Variants in LUZP2 observed in about 807,000 individuals in gnomAD.
LUZP2 encodes leucine zipper protein 2.
LUZP2 carries 52 observed loss-of-function variants against 51.6 expected under a neutral mutation model. The observed-to-expected ratio is 1.01, with a 90% CI of 0.81 to 1.27. The LOEUF is 1.27. Among genes scored for constraint, LUZP2 ranks in the 50% most tolerant of loss-of-function variants. The probability of loss-of-function intolerance (pLI) is 0.00; values close to 1 mark genes in which losing one functional copy is unlikely to be tolerated. For synonymous variants in LUZP2, 154 were observed against 137.3 expected (o/e 1.12, Z -0.85); for missense variants, 436 against 395.4 (o/e 1.10, Z -0.87).
chr11:24,980,421 T>C (rs1855995178), intron 8 of LUZP2, among the ~76,000 whole-genome samples: 1 of 151,692 alleles, frequency 6.6e-6, no homozygotes, highest in African/African-American at 2.4e-5. Context: ...TATTTTTTAA[T>C]ATATGAAATA....
intron 1 of LUZP2, among the ~76,000 whole-genome samples, chr11:24,560,606 C>T (rs955129276): frequency 6.6e-6 from 1 of 152,126 alleles, no homozygotes; most frequent in Non-Finnish European, 1.5e-5. Context: ...ATACAGAGTT[C>T]TTTGCCCCAT....
intron 7 of LUZP2, among the ~76,000 whole-genome samples, chr11:24,944,067 C>T (rs561362496): frequency 3.0e-4 from 46 of 152,140 alleles, no homozygotes; most frequent in Admixed American, 2.2e-3. Context: ...CACATGATCA[C>T]CTTTAATACA....
chr11:24,946,938 TTTGATGCAG>T (rs373980859), intron 7 of LUZP2, among the ~76,000 whole-genome samples: 1 of 152,096 alleles, frequency 6.6e-6, no homozygotes, highest in East Asian at 1.9e-4. Flanking sequence ...TCATGTATAA[TTTGATGCAG>T]TTATTTTTAA....
intron 10 of LUZP2, among the ~76,000 whole-genome samples, chr11:25,061,251 G>A (rs184876568): frequency 6.6e-5 from 10 of 152,282 alleles, no homozygotes. Flanking sequence ...CACACACAGA[G>A]ATTATGTAAT....
chr11:24,722,213 A>G (rs10834453), intron 1 of LUZP2, among the ~76,000 whole-genome samples: 32,605 of 152,158 alleles, frequency 0.21, 4,359 homozygotes, highest in East Asian at 0.44. Flanking sequence ...ATCCTGATAT[A>G]AATATTAATT....
intron 9 of LUZP2, among the ~76,000 whole-genome samples, chr11:24,993,023 A>G (rs1325506631): frequency 6.6e-6 from 1 of 152,180 alleles, no homozygotes; most frequent in African/African-American, 2.4e-5. Flanking sequence ...CTTCACAACA[A>G]TATTTTATTT....
intron 1 of LUZP2, among the ~76,000 whole-genome samples, chr11:24,643,218 G>A (rs1291645299): frequency 7.1e-6 from 1 of 140,588 alleles, no homozygotes; most frequent in African/African-American, 2.8e-5. Flanking sequence ...AGACCAGCCT[G>A]GCCAACATGG....
chr11:24,723,690 G>A (rs975438295), intron 1 of LUZP2, among the ~76,000 whole-genome samples: 1 of 152,060 alleles, frequency 6.6e-6, no homozygotes, highest in Admixed American at 6.6e-5. Context: ...TTAGCCCTGA[G>A]TATGGTGATG....
intron 1 of LUZP2, among the ~76,000 whole-genome samples, chr11:24,519,892 C>T (rs564672692): frequency 6.6e-6 from 1 of 152,100 alleles, no homozygotes; most frequent in African/African-American, 2.4e-5. Flanking sequence ...CATGAAGATA[C>T]TTGTTGACAG....
intron 9 of LUZP2, among the ~76,000 whole-genome samples, chr11:25,033,586 C>T (rs755448548): frequency 9.2e-5 from 14 of 151,916 alleles, no homozygotes; most frequent in East Asian, 1.9e-4. Flanking sequence ...TTCCTTCCAA[C>T]TTCCAGTATC....
At chr11:24,905,454 G>A (rs1289675756) in intron 5 of LUZP2, among the ~76,000 whole-genome samples, 3 of 152,090 alleles carry the variant, frequency 2.0e-5, no homozygotes, top group Non-Finnish European at 4.4e-5. Flanking sequence ...CTTCAACCTG[G>A]AAGGCAGAGG....
chr11:24,878,793 C>G (rs1852360431), intron 5 of LUZP2, among the ~76,000 whole-genome samples: 1 of 151,706 alleles, frequency 6.6e-6, no homozygotes, highest in Non-Finnish European at 1.5e-5. Context: ...CTAACAGGCC[C>G]TGGTGTATGC....
intron 7 of LUZP2, 49 bp from the exon 8 acceptor site, chr11:24,976,542 A>G: frequency 1.6e-6 from 2 of 1,283,002 alleles, no homozygotes; most frequent in Non-Finnish European, 2.2e-6. Context: ...CTTAAAGTAC[A>G]GAGGGAAATT....
chr11:24,933,704 T>G (rs1451590856), intron 7 of LUZP2, among the ~76,000 whole-genome samples: 4 of 152,196 alleles, frequency 2.6e-5, no homozygotes, highest in Non-Finnish European at 5.9e-5. Flanking sequence ...TTTAAATGGC[T>G]TGCATACTGT....
intron 1 of LUZP2, among the ~76,000 whole-genome samples, chr11:24,560,374 G>T (rs181750001): frequency 1.3e-5 from 2 of 152,152 alleles, no homozygotes; most frequent in African/African-American, 4.8e-5. Flanking sequence ...TTGATGTGAA[G>T]GGTTAAGCTG....
At chr11:25,075,545 C>T (rs1859276236) in intron 10 of LUZP2, among the ~76,000 whole-genome samples, 1 of 152,042 alleles carries the variant, frequency 6.6e-6, no homozygotes, top group Non-Finnish European at 1.5e-5. Context: ...TAAAGTTATT[C>T]ACAATATATT....
chr11:24,870,130 A>G (rs572068903), intron 5 of LUZP2, among the ~76,000 whole-genome samples: 14 of 152,256 alleles, frequency 9.2e-5, no homozygotes, highest in East Asian at 5.8e-4. Context: ...TAACTCTTCA[A>G]TGCTGTAAAG....
chr11:24,894,837 G>A (rs1336934532), intron 5 of LUZP2, among the ~76,000 whole-genome samples: 2 of 152,112 alleles, frequency 1.3e-5, no homozygotes, highest in African/African-American at 2.4e-5. Context: ...TTGAGAACGG[G>A]ATGCCTATTA....
At chr11:24,855,143 A>G (rs903082173) in intron 5 of LUZP2, among the ~76,000 whole-genome samples, 1 of 152,198 alleles carries the variant, frequency 6.6e-6, no homozygotes, top group Non-Finnish European at 1.5e-5. Flanking sequence ...CAATCAGACA[A>G]GAGAAAGAAA....
Sources: gnomAD v4.1 joint callset for allele counts (sites outside exome capture counted in the v4.1 genomes callset) on GRCh38, gnomAD v4.1.1 for gene constraint, MANE v1.5 for transcripts, NCBI Gene and HGNC (gene_info 2026-07-23, HGNC 2026-07-21) for gene names.